The following CLMP variants were observed in gnomAD, a reference collection of about 807,000 sequenced individuals.
CLMP encodes the protein CXADR like cell adhesion molecule, also known as CXADR-like membrane protein.
A neutral mutation model predicts 45.2 loss-of-function variants in CLMP; 27 were observed. The observed-to-expected ratio is 0.60, with a 90% CI of 0.44 to 0.82. The LOEUF (loss-of-function observed/expected upper bound fraction) is 0.82, where lower values mean the gene tolerates loss of function less well. CLMP is among the 40% of genes least tolerant of loss of function. The probability of loss-of-function intolerance (pLI) is 0.00; values close to 1 mark genes in which losing one functional copy is unlikely to be tolerated. For synonymous variants in CLMP, 167 were observed against 171.4 expected (o/e 0.97, Z 0.20); for missense variants, 403 against 448.4 (o/e 0.90, Z 0.91).
At chr11:123,105,367 C>G (rs1043127990) in intron 1 of CLMP, among the ~76,000 whole-genome samples, 11 of 103,640 alleles carry the variant, frequency 1.1e-4, no homozygotes, top group Non-Finnish European at 1.4e-4. Flanking sequence ...CTCCCTCCCT[C>G]CCTCCCTCCC....
intron 1 of CLMP, among the ~76,000 whole-genome samples, chr11:123,128,350 ATGGT>A (rs1860932268): frequency 6.6e-6 from 1 of 151,830 alleles, no homozygotes; most frequent in African/African-American, 2.4e-5. Flanking sequence ...TAATCCTGGC[ATGGT>A]GGCCCAGGCC....
chr11:123,180,396 A>G (rs1057008139), intron 1 of CLMP, among the ~76,000 whole-genome samples: 7 of 152,116 alleles, frequency 4.6e-5, no homozygotes, highest in Middle Eastern at 3.2e-3. Context: ...ACGAAGCCCC[A>G]GAGAGCTCCC....
At position 123,073,442 on chromosome 11, in the gene CLMP, T is replaced by C; in HGVS notation, c.*32A>G. The C allele has an allele frequency of 6.4e-7, 1 of 1,570,042 alleles. No individual in the cohort carries two copies. The highest frequency in any genetic ancestry group is 8.6e-7 in the Non-Finnish European group (1 of 1,157,250). ...AGAAGAGTCCAAAGACCCTGACTCC[T>C]AGGAAAGCGTGGGAGTCAAGTCCAT... On this transcript the variant is annotated 3_prime_UTR_variant, in exon 7 of 7. Transcript: ENST00000448775.
intron 1 of CLMP, among the ~76,000 whole-genome samples, chr11:123,171,642 C>A (rs1454486178): frequency 6.6e-6 from 1 of 151,858 alleles, no homozygotes; most frequent in Non-Finnish European, 1.5e-5. Flanking sequence ...CAGGGTTTCA[C>A]CATGTTGGCC....
intron 1 of CLMP, among the ~76,000 whole-genome samples, chr11:123,189,952 A>C (rs553719292): frequency 5.9e-4 from 88 of 148,946 alleles, no homozygotes; most frequent in African/African-American, 2.2e-3. Flanking sequence ...CAGTGAGTGG[A>C]GACTGTGCCA....
At chr11:123,150,538 A>T (rs201559044) in intron 1 of CLMP, among the ~76,000 whole-genome samples, 1 of 134,100 alleles carries the variant, frequency 7.5e-6, no homozygotes, top group Non-Finnish European at 1.6e-5. Flanking sequence ...GAAAGAAACA[A>T]GCAAGGAAGG....
chr11:123,169,394 A>G (rs896596931), intron 1 of CLMP, among the ~76,000 whole-genome samples: 3 of 152,104 alleles, frequency 2.0e-5, no homozygotes, highest in Non-Finnish European at 4.4e-5. Flanking sequence ...CTGACATGGA[A>G]ACCTGCCCAG....
intron 1 of CLMP, among the ~76,000 whole-genome samples, chr11:123,157,033 G>C (rs1335365128): frequency 6.6e-6 from 1 of 152,206 alleles, no homozygotes; most frequent in Non-Finnish European, 1.5e-5. Context: ...AATCCCAGAG[G>C]TTAAAAGCTT....
intron 1 of CLMP, among the ~76,000 whole-genome samples, chr11:123,145,611 C>T (rs1476322013): frequency 6.6e-6 from 1 of 151,988 alleles, no homozygotes; most frequent in Non-Finnish European, 1.5e-5. Context: ...TACAGGTGCC[C>T]GCCACTATGC....
At chr11:123,098,615 A>G (rs1254406787) in intron 1 of CLMP, among the ~76,000 whole-genome samples, 2 of 150,038 alleles carry the variant, frequency 1.3e-5, no homozygotes, top group African/African-American at 4.9e-5. Flanking sequence ...GGCTCATTGC[A>G]CCCTCGACCT....
intron 1 of CLMP, among the ~76,000 whole-genome samples, chr11:123,150,488 G>GAA (rs1263238542): frequency 2.1e-5 from 1 of 47,840 alleles, no homozygotes; most frequent in East Asian, 9.9e-4. Flanking sequence ...AGAAAGGAAG[G>GAA]AAGGAAGGAA....
intron 1 of CLMP, among the ~76,000 whole-genome samples, chr11:123,159,997 G>A (rs778903669): frequency 2.1e-4 from 32 of 152,046 alleles, no homozygotes; most frequent in Admixed American, 5.2e-4. Context: ...CAATAATCCC[G>A]GCTGGGTGCG....
intron 1 of CLMP, among the ~76,000 whole-genome samples, chr11:123,115,605 G>A (rs749223956): frequency 6.6e-6 from 1 of 151,966 alleles, no homozygotes; most frequent in Admixed American, 6.6e-5. Context: ...AATCTGTGCT[G>A]TTAGAAGTCT....
chr11:123,135,333 A>AAAG (rs139026845), intron 1 of CLMP, among the ~76,000 whole-genome samples: 40,607 of 150,404 alleles, frequency 0.27, 6,229 homozygotes, highest in African/African-American at 0.42. Flanking sequence ...AAGTTAAAAA[A>AAAG]AAGGTGGGGG....
chr11:123,087,787 CT>C (rs1865882695), intron 2 of CLMP, among the ~76,000 whole-genome samples: 1 of 152,122 alleles, frequency 6.6e-6, no homozygotes, highest in African/African-American at 2.4e-5. Flanking sequence ...TGCCACTGCA[CT>C]CCAGCCTAGG....
chr11:123,131,834 T>G (rs1425700799), intron 1 of CLMP, among the ~76,000 whole-genome samples: 3 of 152,154 alleles, frequency 2.0e-5, no homozygotes, highest in African/African-American at 7.2e-5. Context: ...CAGGCTGGTT[T>G]CGAACTCCTA....
chr11:123,177,055 G>C (rs1393730734), intron 1 of CLMP, among the ~76,000 whole-genome samples: 1 of 152,198 alleles, frequency 6.6e-6, no homozygotes, highest in Non-Finnish European at 1.5e-5. Flanking sequence ...AGGGTAGCAG[G>C]TGCGGGTGAT....
At chr11:123,115,284 G>C (rs1422579050) in intron 1 of CLMP, among the ~76,000 whole-genome samples, 1 of 152,018 alleles carries the variant, frequency 6.6e-6, no homozygotes, top group Non-Finnish European at 1.5e-5. Flanking sequence ...CTGGGCTCAA[G>C]CGATCCTCTT....
At chr11:123,075,221 TG>T (rs563243573) in intron 5 of CLMP, among the ~76,000 whole-genome samples, 118 of 152,346 alleles carry the variant, frequency 7.7e-4, no homozygotes, top group African/African-American at 2.7e-3. Flanking sequence ...CCGAAAGTGC[TG>T]GGATTACAGG....
Sources: gnomAD v4.1 joint callset for allele counts (sites outside exome capture counted in the v4.1 genomes callset) on GRCh38, gnomAD v4.1.1 for gene constraint, MANE v1.5 for transcripts, NCBI Gene and HGNC (gene_info 2026-07-23, HGNC 2026-07-21) for gene names.